RFX2: variants seen among roughly 807,000 people sequenced by gnomAD.
The protein encoded by RFX2 is DNA-binding protein RFX2.
In RFX2, 20 loss-of-function variants were observed where a neutral mutation model predicts 87.8. That is an observed-to-expected ratio of 0.23 (90% CI 0.16 to 0.33). The LOEUF (loss-of-function observed/expected upper bound fraction) is 0.33, where lower values mean the gene tolerates loss of function less well. Ranked by LOEUF, RFX2 falls within the 10% of genes least tolerant of loss-of-function variation. RFX2 has a pLI of 1.00. For missense variants in RFX2, 767 were observed against 1,012.3 expected (o/e 0.76, Z 3.29); for synonymous variants, 397 against 431.3 (o/e 0.92, Z 0.98).
Position 6,007,879 on chromosome 19 carries a change from C to A in RFX2, c.1135-77G>T. 9.3e-7 allele frequency: 1 copy of A among 1,079,642 alleles called. No homozygotes were observed. The allele number at this position is 1,079,642 out of a possible 1,614,324, so 66.9% of individuals were successfully genotyped here. ...CACTCAGCACACGTCAAGTGAGCAG[C>A]CGTGATCCGGGCTACAGCGGGGTGC... On this transcript the variant is annotated intron_variant, in intron 10 of 17. Transcript: ENST00000303657. The surrounding 1 kb of genome is among the most constrained non-coding windows in gnomAD (Gnocchi z 8.2).
intron 1 of RFX2, among the ~76,000 whole-genome samples, chr19:6,108,653 T>C (rs1205463124): frequency 6.6e-6 from 1 of 151,902 alleles, no homozygotes; most frequent in East Asian, 1.9e-4. Context: ...AGCAGGAAAA[T>C]AATTGCAGGG....
chr19:6,053,970 A>G (rs1222314671), intron 1 of RFX2, among the ~76,000 whole-genome samples: 10 of 151,296 alleles, frequency 6.6e-5, no homozygotes, highest in Admixed American at 6.6e-4. Context: ...AAAAAAAAAA[A>G]AAAAAAGCAA....
In RFX2 at chr19:6,039,837, C is replaced by T. The variant is rs11879056; in HGVS notation, c.522+143G>A. ...TTGCGTGGCCCGTCTGAGGCTGGCC[C>T]GACTCCATCGTGGGGCCGCCTGGGC... is the stretch of plus-strand genomic sequence containing the variant. On this transcript the variant is annotated intron_variant, in intron 5 of 17. Transcript: ENST00000303657. This position sits in a 1 kb window ranked among gnomAD's most constrained non-coding sequence, Gnocchi z 5.2. The T allele has an allele frequency of 0.014, 14,059 of 998,176 alleles. 1,324 individuals are homozygous for T. In the African/African-American group the frequency reaches 0.2, roughly 14 times the overall value. 61.8% of individuals were successfully genotyped at this position (998,176 alleles called of 1,614,324 possible).
chr19:6,017,701 C>T lies in RFX2; in HGVS notation c.598-1430G>A, dbSNP rs2086748330. 6.6e-6 allele frequency among the ~76,000 whole-genome samples: 1 copy of T among 152,138 alleles called. No homozygotes were observed. Among genetic ancestry groups the T allele is most frequent in the Non-Finnish European group, 1.5e-5 (1 of 68,030 alleles). ...CTCCGAAGGGCTCCTGCTGCCTGGG[C>T]CCTTCAGAGTGGGCAGTGCTGGGTC... is the stretch of plus-strand genomic sequence containing the variant. On this transcript the variant is annotated intron_variant, in intron 6 of 17. Transcript: ENST00000303657. The surrounding 1 kb of genome is among the most constrained non-coding windows in gnomAD (Gnocchi z 4.1).
At chr19:6,071,839 A>G (rs1471278605) in intron 1 of RFX2, among the ~76,000 whole-genome samples, 1 of 152,232 alleles carries the variant, frequency 6.6e-6, no homozygotes, top group East Asian at 1.9e-4. Context: ...GGGAAATGTT[A>G]TTTTTAAAAT....
intron 5 of RFX2, among the ~76,000 whole-genome samples, chr19:6,033,506 A>T (rs912408306): frequency 2.7e-5 from 4 of 150,860 alleles, no homozygotes; most frequent in African/African-American, 9.7e-5. Context: ...TGCTTTTTGT[A>T]TGACAGTCTT....
Position 6,045,818 on chromosome 19 carries a change from T to C in RFX2, c.91-1536A>G, listed in dbSNP as rs1402914339. ...TCCCGAGTAGCTGGGATTACAAGCA[T>C]GTGCCACAATGCTCGGCTAATTTAT... is the stretch of plus-strand genomic sequence containing the variant. On this transcript the variant is annotated intron_variant, in intron 2 of 17. Coordinates refer to ENST00000303657, the MANE Select transcript of RFX2 (RefSeq NM_000635.4). This position sits in a 1 kb window ranked among gnomAD's most constrained non-coding sequence, Gnocchi z 5.2. Among the ~76,000 whole-genome samples, 1 of 152,118 alleles carries C rather than the reference T, an allele frequency of 6.6e-6. No individual in the cohort carries two copies. The highest frequency in any genetic ancestry group is 1.5e-5 in the Non-Finnish European group (1 of 68,024).
chr19:6,090,570 T>C (rs952374727), intron 1 of RFX2, among the ~76,000 whole-genome samples: 1 of 152,080 alleles, frequency 6.6e-6, no homozygotes, highest in African/African-American at 2.4e-5. Context: ...GTGGAGAAAC[T>C]GGAGCCCTCA....
chr19:6,006,489 G>C (rs1464949299), intron 12 of RFX2, among the ~76,000 whole-genome samples: 1 of 133,680 alleles, frequency 7.5e-6, no homozygotes, highest in Non-Finnish European at 1.5e-5. Context: ...TTTTGAGACA[G>C]AGTCAAGCTG....
In RFX2 at chr19:6,009,583, T is replaced by C. The variant is rs536235971; in HGVS notation, c.1015+553A>G. ...AGAATATCTAGCGTTCTTTCTTTTTTTTTTTCTTTAATTTTAAAGGCAGAG... is the reference window on the plus strand; with the variant it reads ...AGAATATCTAGCGTTCTTTCTTTTTCTTTTTCTTTAATTTTAAAGGCAGAG... On this transcript the variant is annotated intron_variant, in intron 9 of 17. Coordinates refer to ENST00000303657, the MANE Select transcript of RFX2 (RefSeq NM_000635.4). Among the ~76,000 whole-genome samples, 28 of 152,266 alleles carry C rather than the reference T, an allele frequency of 1.8e-4. No homozygotes were observed. The South Asian group carries it at 2.9e-3, about 16-fold the overall frequency.
intron 12 of RFX2, among the ~76,000 whole-genome samples, chr19:6,005,765 C>T (rs891321644): frequency 6.6e-6 from 1 of 152,184 alleles, no homozygotes. Flanking sequence ...TGCAGGAGTC[C>T]AGGGCCATGT....
In RFX2 at chr19:6,084,045, G is replaced by A. The variant is rs536482085; in HGVS notation, c.-9+26348C>T. On this transcript the variant is annotated intron_variant, in intron 1 of 17. Transcript: ENST00000303657. ...ATTCTCGGCAGAGAAGACCGGATAT[G>A]GGAGTGTGGTGTGGGAATCGTCTGT... Among the ~76,000 whole-genome samples the A allele has an allele frequency of 3.9e-5, 6 of 152,268 alleles. No individual in the cohort carries two copies. The South Asian group carries it at 8.3e-4, about 21-fold the overall frequency.
In RFX2 at chr19:6,007,434, G is replaced by C. The variant is rs1209452495; in HGVS notation, c.1247+256C>G. Among the ~76,000 whole-genome samples the C allele has an allele frequency of 6.6e-6, 1 of 152,144 alleles. No homozygotes were observed. The highest frequency in any genetic ancestry group is 1.5e-5 in the Non-Finnish European group (1 of 68,028). On this transcript the variant is annotated intron_variant, in intron 11 of 17. Coordinates refer to ENST00000303657, the MANE Select transcript of RFX2 (RefSeq NM_000635.4). This position sits in a 1 kb window ranked among gnomAD's most constrained non-coding sequence, Gnocchi z 8.2. Reference sequence around the variant, plus strand: ...CGTCTCACTGCAGCTATGGGTTGGGGTCACTTCTACTTGGGATTGCATCAT... The same window carrying C: ...CGTCTCACTGCAGCTATGGGTTGGGCTCACTTCTACTTGGGATTGCATCAT...
chr19:6,045,465 T>A lies in RFX2; in HGVS notation c.91-1183A>T, dbSNP rs1484560099. Among the ~76,000 whole-genome samples, 1 of 152,014 alleles carries A rather than the reference T, an allele frequency of 6.6e-6. No individual in the cohort carries two copies. Among genetic ancestry groups the A allele is most frequent in the African/African-American group, 2.4e-5 (1 of 41,362 alleles). On this transcript the variant is annotated intron_variant, in intron 2 of 17. Coordinates refer to ENST00000303657, the MANE Select transcript of RFX2 (RefSeq NM_000635.4). This position sits in a 1 kb window ranked among gnomAD's most constrained non-coding sequence, Gnocchi z 5.2. ...CTGACTCCTCTTGGACAATTTCAAG[T>A]GGGCACGGAAACATATCAATTAGGC...
chr19:6,002,697 T>C lies in RFX2; in HGVS notation c.1650+24A>G. ...GCTGGAGGGCGGGAAGCCCGGGCCC[T>C]GGGGACGGTGTGGAGGAAGTCACCT... is the stretch of plus-strand genomic sequence containing the variant. On this transcript the variant is annotated intron_variant, in intron 14 of 17. Coordinates refer to ENST00000303657, the MANE Select transcript of RFX2 (RefSeq NM_000635.4). The surrounding 1 kb of genome is among the most constrained non-coding windows in gnomAD (Gnocchi z 6.7). 6.2e-7 allele frequency: 1 copy of C among 1,610,738 alleles called. No individual in the cohort carries two copies. The highest frequency in any genetic ancestry group is 8.5e-7 in the Non-Finnish European group (1 of 1,178,276).
chr19:6,048,689 CA>C (rs2087229539), intron 1 of RFX2, among the ~76,000 whole-genome samples: 1 of 152,190 alleles, frequency 6.6e-6, no homozygotes, highest in Non-Finnish European at 1.5e-5. Flanking sequence ...CTATCACCCC[CA>C]GAGGTTTTAT....
chr19:6,089,465 A>G (rs2087903009), intron 1 of RFX2, among the ~76,000 whole-genome samples: 1 of 152,194 alleles, frequency 6.6e-6, no homozygotes, highest in Non-Finnish European at 1.5e-5. Context: ...TGTCCCCCCA[A>G]AACTCACATG....
chr19:5,999,854 G>A lies in RFX2; in HGVS notation c.1859+1961C>T, dbSNP rs926251313. ...TGGGTTTCTCTGTGTGGCTGTCTGG[G>A]GGAAAGATGTTCCAGGCAAGGGGGG... On this transcript the variant is annotated intron_variant, in intron 15 of 17. Transcript: ENST00000303657. This position sits in a 1 kb window ranked among gnomAD's most constrained non-coding sequence, Gnocchi z 4.1. Among the ~76,000 whole-genome samples the A allele has an allele frequency of 2.6e-5, 4 of 152,130 alleles. No individual in the cohort carries two copies. Among genetic ancestry groups the A allele is most frequent in the African/African-American group, 9.7e-5 (4 of 41,426 alleles).
chr19:6,069,528 A>T (rs1336036355), intron 1 of RFX2, among the ~76,000 whole-genome samples: 2 of 152,244 alleles, frequency 1.3e-5, no homozygotes, highest in African/African-American at 4.8e-5. Context: ...CTCACCAAGG[A>T]AGAGCAGAGA....
Sources: gnomAD v4.1 joint callset for allele counts (sites outside exome capture counted in the v4.1 genomes callset) on GRCh38, gnomAD v4.1.1 for gene constraint, Gnocchi (gnomAD v3.1) non-coding constraint, MANE v1.5 for transcripts, NCBI Gene and HGNC (gene_info 2026-07-23, HGNC 2026-07-21) for gene names.